Variants in CCDC102B observed in about 807,000 individuals in gnomAD.
CCDC102B encodes coiled-coil domain containing 102B, also known as coiled-coil domain-containing protein 102B.
Under a neutral mutation model 57.4 loss-of-function variants are expected in CCDC102B, and 75 were observed. That is an observed-to-expected ratio of 1.31 (90% confidence interval 1.08 to 1.58). The LOEUF (loss-of-function observed/expected upper bound fraction) is 1.58. Among genes scored for constraint, CCDC102B ranks in the 40% most tolerant of loss-of-function variants. The pLI is 0.00. For missense variants in CCDC102B, 636 were observed against 582.6 expected (o/e 1.09, Z -0.94); for synonymous variants, 206 against 201.9 (o/e 1.02, Z -0.17).
intron 4 of CCDC102B, among the ~76,000 whole-genome samples, chr18:68,855,641 G>A (rs2038348994): frequency 6.6e-6 from 1 of 152,052 alleles, no homozygotes; most frequent in Admixed American, 6.6e-5. Context: ...GTAGCCCCAA[G>A]AGCCTGAGAA....
At chr18:68,784,871 C>T (rs1320621506) in intron 2 of CCDC102B, among the ~76,000 whole-genome samples, 3 of 151,668 alleles carry the variant, frequency 2.0e-5, no homozygotes, top group African/African-American at 4.9e-5. Flanking sequence ...TACTTGTGCA[C>T]ATTGTGCAGG....
intron 6 of CCDC102B, among the ~76,000 whole-genome samples, chr18:68,995,776 C>T (rs768622530): frequency 6.6e-6 from 1 of 152,086 alleles, no homozygotes; most frequent in Non-Finnish European, 1.5e-5. Flanking sequence ...TGGGAAACTC[C>T]CTAGTGGAGC....
intron 6 of CCDC102B, among the ~76,000 whole-genome samples, chr18:68,997,531 T>C (rs938832455): frequency 1.1e-4 from 17 of 152,272 alleles, no homozygotes; most frequent in African/African-American, 4.1e-4. Context: ...AAAATATACA[T>C]GTAAAATGTA....
intron 6 of CCDC102B, among the ~76,000 whole-genome samples, chr18:68,936,908 A>G (rs1458496877): frequency 6.6e-6 from 1 of 151,832 alleles, no homozygotes; most frequent in East Asian, 1.9e-4. Flanking sequence ...TAAGTCAATT[A>G]CTATTATTGA....
At chr18:68,811,451 C>T (rs1599497232) in intron 1 of CCDC102B, among the ~76,000 whole-genome samples, 1 of 152,122 alleles carries the variant, frequency 6.6e-6, no homozygotes, top group Admixed American at 6.5e-5. Flanking sequence ...CCCATCTCTA[C>T]TAAGAATACA....
At chr18:68,716,261 G>A (rs1053185097) in intron 1 of CCDC102B, among the ~76,000 whole-genome samples, 1 of 150,240 alleles carries the variant, frequency 6.7e-6, no homozygotes, top group South Asian at 2.2e-4. Context: ...CTACTTTCTT[G>A]GCAAGGTCTC....
chr18:68,882,630 A>C (rs2039733497), intron 5 of CCDC102B, among the ~76,000 whole-genome samples: 1 of 152,244 alleles, frequency 6.6e-6, no homozygotes, highest in African/African-American at 2.4e-5. Context: ...ATTTCATTTA[A>C]ACGTTTTTTC....
intron 6 of CCDC102B, among the ~76,000 whole-genome samples, chr18:68,954,130 A>G (rs975689930): frequency 6.6e-6 from 1 of 152,122 alleles, no homozygotes; most frequent in Non-Finnish European, 1.5e-5. Flanking sequence ...GTGTTAAAGA[A>G]GAAAGTGACT....
At chr18:68,911,769 A>AAAAAAAAAAAAAAAT (rs1250963858) in intron 6 of CCDC102B, among the ~76,000 whole-genome samples, 5 of 142,880 alleles carry the variant, frequency 3.5e-5, no homozygotes, top group Non-Finnish European at 7.7e-5. Flanking sequence ...AAAAAAAAAA[A>AAAAAAAAAAAAAAAT]AAAAAAGATC....
At chr18:69,002,694 T>C (rs1174701714) in intron 6 of CCDC102B, among the ~76,000 whole-genome samples, 2 of 152,008 alleles carry the variant, frequency 1.3e-5, no homozygotes, top group Admixed American at 1.3e-4. Flanking sequence ...ACTAGTTCTC[T>C]ATTAAGGTCA....
chr18:68,789,617 C>T (rs1458045906), intron 2 of CCDC102B, among the ~76,000 whole-genome samples: 43 of 148,980 alleles, frequency 2.9e-4, no homozygotes, highest in African/African-American at 7.1e-4. Flanking sequence ...TCCAGTTGAT[C>T]GCATTGGCTC....
intron 6 of CCDC102B, among the ~76,000 whole-genome samples, chr18:68,899,098 T>C (rs540948175): frequency 1.9e-5 from 2 of 105,078 alleles, no homozygotes; most frequent in South Asian, 3.8e-4. Context: ...TTTAAGTATA[T>C]ATCATTTTGA....
chr18:68,926,319 ACTT>A (rs1344850326), intron 6 of CCDC102B, among the ~76,000 whole-genome samples: 1 of 151,878 alleles, frequency 6.6e-6, no homozygotes, highest in African/African-American at 2.4e-5. Flanking sequence ...TTTAATGACT[ACTT>A]CTGCCTTTAA....
intron 6 of CCDC102B, among the ~76,000 whole-genome samples, chr18:68,962,946 A>AT (rs540402384): frequency 6.6e-6 from 1 of 151,690 alleles, no homozygotes; most frequent in African/African-American, 2.4e-5. Flanking sequence ...AATTCTTCCC[A>AT]TTTTTTTAAG....
chr18:68,807,868 T>TA (rs915485794), intron 1 of CCDC102B, among the ~76,000 whole-genome samples: 7 of 151,128 alleles, frequency 4.6e-5, no homozygotes, highest in South Asian at 2.1e-4. Flanking sequence ...TATAAACACT[T>TA]AAAAAAAAAG....
At chr18:68,778,181 A>G (rs918666597) in intron 2 of CCDC102B, among the ~76,000 whole-genome samples, 2 of 152,104 alleles carry the variant, frequency 1.3e-5, no homozygotes, top group Admixed American at 6.6e-5. Context: ...CTGTCGTAGT[A>G]TATTTCTTTT....
intron 7 of CCDC102B, among the ~76,000 whole-genome samples, chr18:69,012,271 AG>A (rs1197933239): frequency 6.6e-6 from 1 of 152,128 alleles, no homozygotes; most frequent in African/African-American, 2.4e-5. Context: ...TATTTGTTGT[AG>A]GGGGTGGGCT....
chr18:68,911,554 CATCCTGGCTA>C (rs1399858549), intron 6 of CCDC102B, among the ~76,000 whole-genome samples: 2 of 149,908 alleles, frequency 1.3e-5, no homozygotes, highest in African/African-American at 5.0e-5. Context: ...AGATCGAGAC[CATCCTGGCTA>C]ACACGGTGAA....
chr18:68,843,468 AAATTTT>A (rs1475576369), intron 3 of CCDC102B, among the ~76,000 whole-genome samples: 1 of 152,142 alleles, frequency 6.6e-6, no homozygotes, highest in Non-Finnish European at 1.5e-5. Context: ...CTAGAAATTT[AAATTTT>A]ATTTCCAATT....
Sources: gnomAD v4.1 joint callset for allele counts (sites outside exome capture counted in the v4.1 genomes callset) on GRCh38, gnomAD v4.1.1 for gene constraint, MANE v1.5 for transcripts, NCBI Gene and HGNC (gene_info 2026-07-23, HGNC 2026-07-21) for gene names.